The following BPGM variants were observed in gnomAD, a reference collection of about 807,000 sequenced individuals.
BPGM encodes bisphosphoglycerate mutase.
A neutral mutation model predicts 21.6 loss-of-function variants in BPGM; 15 were observed. The ratio of observed to expected loss-of-function variants is 0.70; its 90% CI spans 0.47 to 1.07. The LOEUF is 1.07. Ranked by LOEUF, BPGM falls within the 50% of genes least tolerant of loss-of-function variation. The pLI, the probability that BPGM is intolerant of heterozygous loss-of-function variation, is 0.00. For missense variants in BPGM, 273 were observed against 319.0 expected (o/e 0.86, Z 1.10); for synonymous variants, 113 against 116.2 (o/e 0.97, Z 0.18).
Position 134,661,472 on chromosome 7 carries a change from C to A in BPGM, c.-36C>A, listed in dbSNP as rs1353698933. The stretch of plus-strand genomic sequence containing the variant: ...ATGTATTGCTGTCCTTGAATATTAG[C>A]CCATTTGAAAACGCCTGGGAAGTTC... On this transcript the variant is annotated 5_prime_UTR_variant, in exon 2 of 3. Transcript: ENST00000344924. This position sits in a 1 kb window ranked among gnomAD's most constrained non-coding sequence, Gnocchi z 4.6. The A allele has an allele frequency of 1.2e-6, 2 of 1,613,674 alleles. No homozygotes were observed. The highest frequency in any genetic ancestry group is 2.2e-5 in the South Asian group (2 of 90,908).
intron 1 of BPGM, among the ~76,000 whole-genome samples, chr7:134,648,664 C>T (rs1795507995): frequency 6.8e-6 from 1 of 147,014 alleles, no homozygotes; most frequent in South Asian, 2.2e-4. Context: ...CAAATCATTT[C>T]AACTGTGACT....
intron 1 of BPGM, among the ~76,000 whole-genome samples, chr7:134,648,713 T>G (rs1795509346): frequency 6.6e-6 from 1 of 151,784 alleles, no homozygotes; most frequent in African/African-American, 2.4e-5. Context: ...AGGGTCTCGC[T>G]CTGTTGCCCA....
At chr7:134,648,014 T>G (rs1464543641) in intron 1 of BPGM, among the ~76,000 whole-genome samples, 2 of 152,094 alleles carry the variant, frequency 1.3e-5, no homozygotes, top group Non-Finnish European at 2.9e-5. Context: ...GCCAGGGTGG[T>G]CTTGAACTCC....
intron 2 of BPGM, among the ~76,000 whole-genome samples, chr7:134,673,153 G>A (rs899623024): frequency 2.6e-5 from 4 of 151,942 alleles, no homozygotes; most frequent in East Asian, 1.9e-4. Flanking sequence ...CAGCCTGGGC[G>A]ACAGAGCGAG....
At chr7:134,670,382 G>T (rs776924416) in intron 2 of BPGM, among the ~76,000 whole-genome samples, 36 of 152,274 alleles carry the variant, frequency 2.4e-4, no homozygotes, top group Non-Finnish European at 1.8e-4. Context: ...GCCAATTCAG[G>T]CCTCGCTTCT....
chr7:134,668,953 A>G (rs559885437), intron 2 of BPGM, among the ~76,000 whole-genome samples: 1 of 152,280 alleles, frequency 6.6e-6, no homozygotes, highest in Admixed American at 6.5e-5. Context: ...GGGTTGATAG[A>G]GCTGTTTTAT....
chr7:134,648,347 C>G (rs1358387314), intron 1 of BPGM, among the ~76,000 whole-genome samples: 2 of 145,052 alleles, frequency 1.4e-5, no homozygotes, highest in Admixed American at 6.9e-5. Context: ...GTTGGCCAGG[C>G]TGGTCTCGAA....
At chr7:134,647,183 C>T (rs1795474337) in intron 1 of BPGM, 1 of 152,620 alleles carries the variant, frequency 6.6e-6, no homozygotes, top group South Asian at 2.0e-4. Context: ...AGGAGGAGCC[C>T]GCTTTGGTAG....
intron 1 of BPGM, chr7:134,658,578 G>A (rs995587691): frequency 1.3e-5 from 2 of 152,232 alleles, no homozygotes; most frequent in East Asian, 3.8e-4. Flanking sequence ...CTACAGCGTT[G>A]TGTGTTTCTT....
intron 1 of BPGM, among the ~76,000 whole-genome samples, chr7:134,656,574 T>C (rs1351728866): frequency 6.6e-6 from 1 of 152,174 alleles, no homozygotes; most frequent in Non-Finnish European, 1.5e-5. Flanking sequence ...CTTCTTCACA[T>C]GGTGGCAGCA....
At chr7:134,657,273 A>G (rs1482053916) in intron 1 of BPGM, among the ~76,000 whole-genome samples, 2 of 152,170 alleles carry the variant, frequency 1.3e-5, no homozygotes, top group African/African-American at 2.4e-5. Context: ...GAGAGAAGAG[A>G]TGAAGGGTGA....
At chr7:134,659,892 C>G (rs1025098) in intron 1 of BPGM, among the ~76,000 whole-genome samples, 2 of 151,962 alleles carry the variant, frequency 1.3e-5, no homozygotes, top group Non-Finnish European at 2.9e-5. Flanking sequence ...GGGGAAATGA[C>G]TGATATTCAG....
At position 134,678,979 on chromosome 7, in the gene BPGM, C is replaced by A. The variant is rs763140803; in HGVS notation, c.728C>A (p.Ala243Glu). Residue 243 changes from alanine to glutamate, a missense_variant, in exon 3 of 3, where the codon GCA (alanine) becomes GAA (glutamate). Physicochemically the swap from Ala to Glu is moderately radical, Grantham distance 107. Transcript: ENST00000344924. The stretch of plus-strand genomic sequence containing the variant: ...CTGGGTGACCAAGAGGCGATCCAAG[C>A]AGCCATTAAGAAAGTAGAAGATCAA... ...QFLGDQEAIQ[A>E]AIKKVEDQGK... 4 of 1,614,032 alleles carry A rather than the reference C, an allele frequency of 2.5e-6. No homozygotes were observed. The highest frequency in any genetic ancestry group is 3.4e-6 in the Non-Finnish European group (4 of 1,180,012).
intron 2 of BPGM, among the ~76,000 whole-genome samples, chr7:134,670,171 A>G (rs1177098749): frequency 6.6e-6 from 1 of 152,176 alleles, no homozygotes; most frequent in Non-Finnish European, 1.5e-5. Flanking sequence ...TCAAGTTTGG[A>G]GTAAGAGTGA....
chr7:134,656,622 T>G (rs1316006924), intron 1 of BPGM, among the ~76,000 whole-genome samples: 5 of 152,176 alleles, frequency 3.3e-5, no homozygotes. Flanking sequence ...AAGCTCCTTA[T>G]AAAACCATCA....
chr7:134,665,918 C>T (rs1461629366), intron 2 of BPGM, among the ~76,000 whole-genome samples: 1 of 151,498 alleles, frequency 6.6e-6, no homozygotes, highest in Non-Finnish European at 1.5e-5. Flanking sequence ...CGCTGTGTTG[C>T]CCAGGCTGGA....
At chr7:134,659,412 T>TGC (rs1463059192) in intron 1 of BPGM, among the ~76,000 whole-genome samples, 1 of 143,222 alleles carries the variant, frequency 7.0e-6, no homozygotes, top group African/African-American at 2.6e-5. Flanking sequence ...TGTGTGTGTG[T>TGC]TCATCACCTG....
At chr7:134,655,670 C>T (rs918576078) in intron 1 of BPGM, among the ~76,000 whole-genome samples, 1 of 152,156 alleles carries the variant, frequency 6.6e-6, no homozygotes, top group African/African-American at 2.4e-5. Flanking sequence ...CCCTGAGATT[C>T]TTAAGTTAAA....
rs750541830 is a variant in BPGM at position 134,662,107 on chromosome 7, AG to A, written c.601+1del. The A allele has an allele frequency of 1.9e-6, 3 of 1,614,000 alleles. No homozygotes were observed. Among genetic ancestry groups the A allele is most frequent in the Non-Finnish European group, 2.5e-6 (3 of 1,180,014 alleles). The stretch of plus-strand genomic sequence containing the variant: ...GTAGGGCACTCCTAAAACACCTGGA[AG>A]GTACCAGCTTTATATACCACTTATT... ...SSRALLKHLE[G>X]ISDEDIINIT... is the part of the protein sequence containing the mutation. On this transcript the variant is annotated frameshift_variant and splice_region_variant, in exon 2 of 3. Coordinates refer to ENST00000344924, the MANE Select transcript of BPGM (RefSeq NM_001724.5). LOFTEE classifies it high-confidence loss of function.
Sources: allele counts gnomAD v4.1 joint callset (sites outside exome capture counted in the v4.1 genomes callset), GRCh38; gene constraint gnomAD v4.1.1; non-coding constraint Gnocchi (gnomAD v3.1); transcripts MANE v1.5; gene names NCBI Gene and HGNC (gene_info 2026-07-23, HGNC 2026-07-21).